Variants in GRM3 observed in about 807,000 individuals in gnomAD.
GRM3 encodes the protein metabotropic glutamate receptor 3.
A neutral mutation model predicts 70.5 loss-of-function variants in GRM3; 26 were observed. The ratio of observed to expected loss-of-function variants is 0.37; its 90% CI spans 0.27 to 0.51. The LOEUF is 0.51. Ranked by LOEUF, GRM3 falls within the 20% of genes least tolerant of loss-of-function variation. The pLI is 0.93. For synonymous variants in GRM3, 443 were observed against 434.9 expected, an observed-to-expected ratio of 1.02 and a Z score of -0.23; for missense variants, 859 against 1,123.8, an observed-to-expected ratio of 0.76 and a Z score of 3.37.
chr7:86,728,321 G>C (rs1795640064), intron 1 of GRM3, among the ~76,000 whole-genome samples: 1 of 152,154 alleles, frequency 6.6e-6, no homozygotes. Flanking sequence ...AGTATATGTA[G>C]CAGAGGGGCC....
intron 1 of GRM3, among the ~76,000 whole-genome samples, chr7:86,679,072 G>A (rs1324391328): frequency 2.6e-5 from 4 of 151,958 alleles, no homozygotes; most frequent in Non-Finnish European, 5.9e-5. Context: ...TGGCCGTATC[G>A]TATTGATTAA....
intron 1 of GRM3, among the ~76,000 whole-genome samples, chr7:86,684,471 A>G (rs1794513876): frequency 6.6e-6 from 1 of 152,218 alleles, no homozygotes; most frequent in Non-Finnish European, 1.5e-5. Context: ...TCAGATGGCA[A>G]CAAGTCTATG....
chr7:86,652,770 C>G (rs1013046615), intron 1 of GRM3, among the ~76,000 whole-genome samples: 1 of 152,184 alleles, frequency 6.6e-6, no homozygotes, highest in African/African-American at 2.4e-5. Context: ...ACAACAACAA[C>G]AAAAATCATC....
At chr7:86,767,169 G>A (rs1796618951) in intron 2 of GRM3, among the ~76,000 whole-genome samples, 1 of 151,770 alleles carries the variant, frequency 6.6e-6, no homozygotes, top group Admixed American at 6.6e-5. Flanking sequence ...CCAAGATCAG[G>A]CCACTGCCCT....
rs143292502 is a variant in GRM3, at chr7:86,715,748, C to T, written c.-140-49258C>T. ...ATTCATAAAAGCAATTCTAATAACT[C>T]TTGAACCTAATTCCAAAATGCTGGC... On this transcript the variant is annotated intron_variant, in intron 1 of 5. Transcript: ENST00000361669. Among the ~76,000 whole-genome samples the T allele has an allele frequency of 1.8e-3, 278 of 152,112 alleles. 1 individual carries two copies. The highest frequency in any genetic ancestry group is 6.2e-3 in the African/African-American group (259 of 41,532).
intron 1 of GRM3, among the ~76,000 whole-genome samples, chr7:86,747,739 T>C (rs1164062997): frequency 6.6e-6 from 1 of 152,114 alleles, no homozygotes; most frequent in Non-Finnish European, 1.5e-5. Context: ...AGAGTAAATG[T>C]AACTATAATC....
intron 1 of GRM3, among the ~76,000 whole-genome samples, chr7:86,651,353 TTAA>T (rs1211793118): frequency 6.6e-6 from 1 of 152,166 alleles, no homozygotes. Context: ...CTTTTGATTG[TTAA>T]TAATAGATAG....
At chr7:86,782,342 G>A (rs989904885) in intron 2 of GRM3, among the ~76,000 whole-genome samples, 105 of 136,250 alleles carry the variant, frequency 7.7e-4, no homozygotes, top group African/African-American at 2.7e-3. Flanking sequence ...TTTTTTTTTT[G>A]TATTCTCTCC....
intron 1 of GRM3, among the ~76,000 whole-genome samples, chr7:86,661,798 G>A (rs975697517): frequency 8.6e-5 from 13 of 151,832 alleles, no homozygotes; most frequent in Non-Finnish European, 1.8e-4. Flanking sequence ...CAAAAAACAT[G>A]AAACCAATCA....
At chr7:86,836,635 C>T (rs1017173307) in intron 3 of GRM3, among the ~76,000 whole-genome samples, 1 of 152,162 alleles carries the variant, frequency 6.6e-6, no homozygotes, top group African/African-American at 2.4e-5. Flanking sequence ...CTCCTCCCAT[C>T]TTCTCCCTCC....
chr7:86,751,891 C>T (rs1322182455), intron 1 of GRM3, among the ~76,000 whole-genome samples: 1 of 152,110 alleles, frequency 6.6e-6, no homozygotes, highest in Non-Finnish European at 1.5e-5. Flanking sequence ...AGTAAGCCCA[C>T]AGTTGCAAAT....
At position 86,677,035 on chromosome 7, in the gene GRM3, A is replaced by C. The variant is rs188615424; in HGVS notation, c.-141+32163A>C. ...TCTTTAAGCCAATCTTAACTGAGGC[A>C]TATCATGTATATTAAATACAAACCC... is the stretch of plus-strand genomic sequence containing the variant. On this transcript the variant is annotated intron_variant, in intron 1 of 5. Transcript: ENST00000361669. 1.2e-3 allele frequency among the ~76,000 whole-genome samples: 176 copies of C among 152,128 alleles called. 2 individuals carry two copies. The highest frequency in any genetic ancestry group is 3.9e-3 in the African/African-American group (163 of 41,528).
intron 1 of GRM3, among the ~76,000 whole-genome samples, chr7:86,704,790 T>C (rs1011853375): frequency 1.3e-5 from 2 of 151,942 alleles, no homozygotes; most frequent in African/African-American, 4.8e-5. Context: ...CTTTGAAATT[T>C]CTTTAGAGAT....
At chr7:86,768,433 C>A (rs1454958144) in intron 2 of GRM3, among the ~76,000 whole-genome samples, 1 of 152,176 alleles carries the variant, frequency 6.6e-6, no homozygotes, top group African/African-American at 2.4e-5. Context: ...AGAGCAAACA[C>A]TAAAGTCATA....
At chr7:86,694,511 C>CAAAAAAAAAAAAAAAAAAA (rs1226119828) in intron 1 of GRM3, among the ~76,000 whole-genome samples, 1 of 37,752 alleles carries the variant, frequency 2.6e-5, no homozygotes, top group Non-Finnish European at 4.9e-5. Context: ...GACTCTGTCT[C>CAAAAAAAAAAAAAAAAAAA]AAAAAAAAAA....
intron 3 of GRM3, among the ~76,000 whole-genome samples, chr7:86,835,056 A>G (rs993271878): frequency 2.0e-5 from 3 of 152,130 alleles, no homozygotes; most frequent in African/African-American, 7.2e-5. Flanking sequence ...CAATACTAAA[A>G]TTTAGTATAA....
intron 4 of GRM3, among the ~76,000 whole-genome samples, chr7:86,848,000 C>T (rs1003936367): frequency 6.6e-6 from 1 of 152,156 alleles, no homozygotes; most frequent in Non-Finnish European, 1.5e-5. Context: ...AATCATCCCC[C>T]ACCTTGGGAT....
At chr7:86,707,662 A>G (rs1795090800) in intron 1 of GRM3, among the ~76,000 whole-genome samples, 1 of 152,120 alleles carries the variant, frequency 6.6e-6, no homozygotes, top group Non-Finnish European at 1.5e-5. Context: ...TGCATGTGCT[A>G]TGAATGGGTT....
chr7:86,660,742 C>G (rs904511702), intron 1 of GRM3, among the ~76,000 whole-genome samples: 2 of 151,914 alleles, frequency 1.3e-5, no homozygotes, highest in African/African-American at 4.8e-5. Flanking sequence ...AATCATGATG[C>G]TAAGTATTAA....
Sources: allele counts gnomAD v4.1 joint callset (sites outside exome capture counted in the v4.1 genomes callset), GRCh38; gene constraint gnomAD v4.1.1; transcripts MANE v1.5; gene names NCBI Gene and HGNC (gene_info 2026-07-23, HGNC 2026-07-21).